The following XRRA1 variants were observed in gnomAD, a reference collection of about 807,000 sequenced individuals.
XRRA1 encodes X-ray radiation resistance associated 1.
In XRRA1, 69 loss-of-function variants were observed where a neutral mutation model predicts 80.2. The ratio of observed to expected loss-of-function variants is 0.86; its 90% CI spans 0.71 to 1.05. XRRA1 has a LOEUF of 1.05. Among genes scored for constraint, XRRA1 ranks in the 50% least tolerant of loss-of-function variants. The probability of loss-of-function intolerance (pLI) is 0.00; values close to 1 mark genes in which losing one functional copy is unlikely to be tolerated. For missense variants in XRRA1, 967 were observed against 976.4 expected (o/e 0.99, Z 0.13); for synonymous variants, 348 against 389.9 (o/e 0.89, Z 1.27).
rs369723959 is a variant in XRRA1 at position 74,937,022 on chromosome 11, C to T, written c.141G>A (p.Lys47=). Residue 47 remains lysine, a synonymous_variant, in exon 4 of 19, where the codon AAG becomes AAA. Transcript: ENST00000684022. ...LVVQKGNLKK[K]PKGLVGAQAE... is the part of the protein sequence containing the mutation. ...CTTGTGCTCCAACCAAACCCTTGGG[C>T]TTCTTCTTGAGGTTACCTTTCTGAA... 1.9e-6 allele frequency: 3 copies of T among 1,613,802 alleles called. No homozygotes were observed. The African/African-American group carries it at 4.0e-5, about 22-fold the overall frequency.
intron 10 of XRRA1, among the ~76,000 whole-genome samples, chr11:74,881,876 C>A (rs1227901254): frequency 1.3e-5 from 2 of 149,128 alleles, no homozygotes; most frequent in Non-Finnish European, 3.0e-5. Flanking sequence ...CCGAGAGATC[C>A]GCTGTTAGTC....
intron 4 of XRRA1, among the ~76,000 whole-genome samples, chr11:74,936,484 T>C (rs1417076877): frequency 6.6e-6 from 1 of 152,136 alleles, no homozygotes; most frequent in Non-Finnish European, 1.5e-5. Context: ...ACCTGCTCCT[T>C]TGTCTCTCCA....
intron 15 of XRRA1, among the ~76,000 whole-genome samples, chr11:74,846,577 T>C (rs1243909694): frequency 6.6e-6 from 1 of 152,222 alleles, no homozygotes; most frequent in Non-Finnish European, 1.5e-5. Flanking sequence ...AAAGGGATTA[T>C]ATACTATGAC....
At chr11:74,893,265 A>G (rs959335393) in intron 10 of XRRA1, among the ~76,000 whole-genome samples, 3 of 152,246 alleles carry the variant, frequency 2.0e-5, no homozygotes, top group Non-Finnish European at 4.4e-5. Context: ...AGGGACATGT[A>G]TGAAGCTGGA....
intron 10 of XRRA1, among the ~76,000 whole-genome samples, chr11:74,901,115 G>A (rs1040840340): frequency 4.6e-5 from 7 of 152,132 alleles, no homozygotes; most frequent in East Asian, 3.8e-4. Context: ...TTCAGGACTC[G>A]AAGTCAACAT....
At chr11:74,917,644 GT>G (rs1939153574) in intron 8 of XRRA1, among the ~76,000 whole-genome samples, 1 of 152,270 alleles carries the variant, frequency 6.6e-6, no homozygotes, top group African/African-American at 2.4e-5. Context: ...AACTGATACT[GT>G]TTTTCTCATA....
At chr11:74,887,028 A>T (rs1269982530) in intron 10 of XRRA1, among the ~76,000 whole-genome samples, 2 of 152,258 alleles carry the variant, frequency 1.3e-5, no homozygotes, top group South Asian at 2.1e-4. Context: ...GAAGATTGAA[A>T]CTGAACCCCT....
chr11:74,948,074 A>T (rs114238886), intron 1 of XRRA1, among the ~76,000 whole-genome samples: 1,569 of 152,344 alleles, frequency 0.01, 32 homozygotes, highest in African/African-American at 0.034. Flanking sequence ...TGTTTTATTC[A>T]GGGATATATC....
intron 15 of XRRA1, among the ~76,000 whole-genome samples, chr11:74,847,593 C>A (rs2038629033): frequency 6.6e-6 from 1 of 152,172 alleles, no homozygotes; most frequent in African/African-American, 2.4e-5. Context: ...TGAGCCTCTT[C>A]CAGGAAGCCC....
chr11:74,916,315 G>T (rs897080474), intron 8 of XRRA1, among the ~76,000 whole-genome samples: 1 of 152,014 alleles, frequency 6.6e-6, no homozygotes. Flanking sequence ...TTGCTTGATG[G>T]TATCCCAATC....
rs139163470 is a variant in XRRA1, at chr11:74,860,649, T to C, written c.1045-1366A>G. 2.2e-3 allele frequency among the ~76,000 whole-genome samples: 335 copies of C among 152,356 alleles called. 2 individuals carry two copies. The highest frequency in any genetic ancestry group is 7.6e-3 in the African/African-American group (318 of 41,592). ...ATTATCTTTGACTTGTGTGGTAGACTGTTTAATGGTCACAAGCCCCTCCAT... is the reference window on the plus strand; with the variant it reads ...ATTATCTTTGACTTGTGTGGTAGACCGTTTAATGGTCACAAGCCCCTCCAT... On this transcript the variant is annotated intron_variant, in intron 11 of 18. Transcript: ENST00000684022.
chr11:74,939,864 CGA>C (rs1945956157), intron 3 of XRRA1, among the ~76,000 whole-genome samples: 1 of 142,726 alleles, frequency 7.0e-6, no homozygotes, highest in Non-Finnish European at 1.6e-5. Context: ...AGAGAGAGAG[CGA>C]GAGCAAGAGA....
At chr11:74,879,494 A>T (rs1445983211) in intron 10 of XRRA1, among the ~76,000 whole-genome samples, 3 of 151,674 alleles carry the variant, frequency 2.0e-5, no homozygotes, top group Non-Finnish European at 3.0e-5. Context: ...AGAACTTCCA[A>T]CACTGTGTTG....
intron 10 of XRRA1, among the ~76,000 whole-genome samples, chr11:74,903,100 T>C (rs750531737): frequency 6.6e-6 from 1 of 152,138 alleles, no homozygotes; most frequent in African/African-American, 2.4e-5. Context: ...GATAAGGACA[T>C]AGGAAGACAA....
chr11:74,890,924 C>G (rs970166859), intron 10 of XRRA1, among the ~76,000 whole-genome samples: 5 of 152,026 alleles, frequency 3.3e-5, no homozygotes, highest in Non-Finnish European at 7.4e-5. Flanking sequence ...GCTTACCAAC[C>G]AAAAAACGTC....
At chr11:74,890,352 A>G (rs1196191331) in intron 10 of XRRA1, among the ~76,000 whole-genome samples, 1 of 152,236 alleles carries the variant, frequency 6.6e-6, no homozygotes, top group Non-Finnish European at 1.5e-5. Flanking sequence ...TTTAAAACCA[A>G]TGAGAACAAA....
intron 13 of XRRA1, among the ~76,000 whole-genome samples, 198 bp from the exon 14 acceptor site, chr11:74,851,401 T>G (rs1393379321): frequency 6.6e-6 from 1 of 152,110 alleles, no homozygotes; most frequent in Non-Finnish European, 1.5e-5. Context: ...GCAAGGAAAC[T>G]GAGGCACAGA....
At chr11:74,892,924 G>A (rs1403273700) in intron 10 of XRRA1, among the ~76,000 whole-genome samples, 1 of 151,922 alleles carries the variant, frequency 6.6e-6, no homozygotes, top group African/African-American at 2.4e-5. Flanking sequence ...TGGAGAGGAT[G>A]TGGAGAAATA....
intron 3 of XRRA1, among the ~76,000 whole-genome samples, chr11:74,939,851 GAGAGAGAGAGAGCGAGAGCA>G (rs1277996429): frequency 1.3e-5 from 2 of 151,976 alleles, no homozygotes; most frequent in Non-Finnish European, 2.9e-5. Flanking sequence ...CATAGAGAGA[GAGAGAGAGAGAGCGAGAGCA>G]AGAGAGAGAG....
Sources: allele counts gnomAD v4.1 joint callset (sites outside exome capture counted in the v4.1 genomes callset), GRCh38; gene constraint gnomAD v4.1.1; transcripts MANE v1.5; gene names NCBI Gene and HGNC (gene_info 2026-07-23, HGNC 2026-07-21).